The following DNAL1 variants were observed in gnomAD, a reference collection of about 807,000 sequenced individuals.
DNAL1 encodes the protein chromosome 14 open reading frame 168.
In DNAL1, 17 loss-of-function variants were observed where a neutral mutation model predicts 29.4. That is an observed-to-expected ratio of 0.58 (90% CI 0.40 to 0.87). The LOEUF (loss-of-function observed/expected upper bound fraction) is 0.87, where lower values mean the gene tolerates loss of function less well. Among genes scored for constraint, DNAL1 ranks in the 40% least tolerant of loss-of-function variants. The pLI, the probability that DNAL1 is intolerant of heterozygous loss-of-function variation, is 0.00. For missense variants in DNAL1, 188 were observed against 214.1 expected (o/e 0.88, Z 0.76); for synonymous variants, 78 against 76.3 (o/e 1.02, Z -0.12).
chr14:73,645,150 C>T (rs1566877051), intron 1 of DNAL1, 108 bp downstream of exon 1: 1 of 1,537,746 alleles, frequency 6.5e-7, no homozygotes, highest in Non-Finnish European at 8.8e-7. Flanking sequence ...CGGAAGGGAG[C>T]CGGTAGCTGA....
intron 1 of DNAL1, among the ~76,000 whole-genome samples, chr14:73,648,403 C>CATATATATATATAT (rs149075024): frequency 0.3 from 25,605 of 86,496 alleles, 6,025 homozygotes; most frequent in Non-Finnish European, 0.37. Flanking sequence ...CACCTCATTT[C>CATATATATATATAT]ATATATATAT....
At chr14:73,692,060 C>T (rs1249638417) in intron 7 of DNAL1, among the ~76,000 whole-genome samples, 1 of 149,348 alleles carries the variant, frequency 6.7e-6, no homozygotes, top group African/African-American at 2.5e-5. Context: ...TGCAGTGGCA[C>T]CATCTCAACT....
intron 7 of DNAL1, among the ~76,000 whole-genome samples, chr14:73,695,048 CTTTTTTTTTTTTTT>C (rs71112798): frequency 1.6e-5 from 1 of 60,872 alleles, no homozygotes; most frequent in Non-Finnish European, 2.8e-5. Context: ...TACTTGTTGG[CTTTTTTTTTTTTTT>C]TTTTTTTTTT....
In DNAL1 at chr14:73,675,000, T is replaced by C. The variant is rs1049105556; in HGVS notation, c.264+3403T>C. ...CACTCAGCTAATTTTTTTGTATTTT[T>C]AGTAGGGGTCTCGCCATGTTGCCCA... On this transcript the variant is annotated intron_variant, in intron 5 of 7. Transcript: ENST00000553645. Among the ~76,000 whole-genome samples the C allele has an allele frequency of 8.0e-4, 119 of 149,416 alleles. 1 individual carries two copies. The highest frequency in any genetic ancestry group is 2.9e-3 in the African/African-American group (117 of 40,384).
At chr14:73,647,282 G>A (rs1418274635) in intron 1 of DNAL1, among the ~76,000 whole-genome samples, 4 of 149,770 alleles carry the variant, frequency 2.7e-5, no homozygotes, top group African/African-American at 4.9e-5. Flanking sequence ...GGAGAATGGC[G>A]TGAACCCGGG....
chr14:73,659,603 G>A (rs1595205544), intron 3 of DNAL1: 1 of 152,042 alleles, frequency 6.6e-6, no homozygotes, highest in African/African-American at 2.4e-5. Flanking sequence ...TCATCCTTGT[G>A]CAGGGGCCAT....
chr14:73,647,094 C>T (rs1890991956), intron 1 of DNAL1, among the ~76,000 whole-genome samples: 1 of 151,966 alleles, frequency 6.6e-6, no homozygotes, highest in Admixed American at 6.6e-5. Flanking sequence ...CACGGTGGCT[C>T]ACACCTTTAA....
intron 7 of DNAL1, among the ~76,000 whole-genome samples, chr14:73,694,711 A>G (rs1281159018): frequency 1.4e-5 from 2 of 146,910 alleles, no homozygotes; most frequent in Non-Finnish European, 3.0e-5. Context: ...TTTTTTTGAG[A>G]TGGAGTCTTG....
At chr14:73,661,105 A>C (rs1315821891) in intron 3 of DNAL1, among the ~76,000 whole-genome samples, 4 of 151,972 alleles carry the variant, frequency 2.6e-5, no homozygotes, top group African/African-American at 9.7e-5. Context: ...CGGAGGTCGC[A>C]GTGAACTGAG....
intron 3 of DNAL1, among the ~76,000 whole-genome samples, chr14:73,660,428 G>T (rs546067801): frequency 1.3e-5 from 2 of 152,198 alleles, no homozygotes; most frequent in Non-Finnish European, 2.9e-5. Flanking sequence ...GAATCACTGG[G>T]TTTTTTTCTG....
At chr14:73,672,043 C>T (rs1395076736) in intron 5 of DNAL1, among the ~76,000 whole-genome samples, 1 of 152,126 alleles carries the variant, frequency 6.6e-6, no homozygotes, top group Non-Finnish European at 1.5e-5. Flanking sequence ...CTTTTCCCCT[C>T]CCAATAAATC....
intron 7 of DNAL1, among the ~76,000 whole-genome samples, chr14:73,694,287 TAA>T (rs1199565110): frequency 2.1e-5 from 3 of 145,876 alleles, no homozygotes; most frequent in Admixed American, 2.0e-4. Flanking sequence ...AATAAATAAA[TAA>T]AGTCTTCAGA....
chr14:73,667,190 G>T (rs898363288), intron 4 of DNAL1, among the ~76,000 whole-genome samples: 1 of 150,504 alleles, frequency 6.6e-6, no homozygotes, highest in African/African-American at 2.4e-5. Context: ...GGCTGGGGAC[G>T]GTGGCTCACA....
intron 5 of DNAL1, among the ~76,000 whole-genome samples, chr14:73,681,185 G>T (rs1260600790): frequency 6.6e-6 from 1 of 151,288 alleles, no homozygotes; most frequent in Non-Finnish European, 1.5e-5. Flanking sequence ...TGAGGCTGGA[G>T]TGCAGTGGCA....
Position 73,655,799 on chromosome 14 carries a change from T to C in DNAL1, c.42+914T>C, listed in dbSNP as rs143796978. ...CAATCATTGTGGACAATGTAAATCA[T>C]GCATAGACAACTGAAAAAAACCCTG... is the stretch of plus-strand genomic sequence containing the variant. On this transcript the variant is annotated intron_variant, in intron 2 of 7. Transcript: ENST00000553645. Among the ~76,000 whole-genome samples, 317 of 152,200 alleles carry C rather than the reference T, an allele frequency of 2.1e-3. 1 individual carries two copies. The highest frequency in any genetic ancestry group is 7.0e-3 in the African/African-American group (292 of 41,526).
intron 4 of DNAL1, among the ~76,000 whole-genome samples, chr14:73,662,309 T>TG (rs1891374476): frequency 6.6e-6 from 1 of 152,214 alleles, no homozygotes; most frequent in East Asian, 1.9e-4. Flanking sequence ...TAATTGTGTA[T>TG]TTCTTTGTTC....
In DNAL1 at chr14:73,648,403, C is replaced by CATATATAT. The variant is rs149075024; in HGVS notation, c.3+3368_3+3375dup. Among the ~76,000 whole-genome samples, 149 of 86,762 alleles carry CATATATAT rather than the reference C, an allele frequency of 1.7e-3. 22 individuals carry two copies. The highest frequency in any genetic ancestry group is 0.014 in the East Asian group (53 of 3,832). 56.9% of individuals were successfully genotyped at this position (86,762 alleles called of 152,430 possible). A position where few individuals can be genotyped will look rare whatever the true frequency, so the allele number is the denominator to read the frequency against. On this transcript the variant is annotated intron_variant, in intron 1 of 7. Coordinates refer to ENST00000553645, the MANE Select transcript of DNAL1 (RefSeq NM_031427.4). ...CTCGATGTGTTATAACACCTCATTT[C>CATATATAT]ATATATATATATATTTGTTGTTTGT...
chr14:73,663,124 A>G (rs1162912226), intron 4 of DNAL1, among the ~76,000 whole-genome samples: 1 of 152,014 alleles, frequency 6.6e-6, no homozygotes, highest in Non-Finnish European at 1.5e-5. Context: ...GAATATGCAT[A>G]TCAAATATAT....
chr14:73,688,083 TA>T (rs1411150348), intron 6 of DNAL1, among the ~76,000 whole-genome samples: 6 of 152,216 alleles, frequency 3.9e-5, no homozygotes, highest in Non-Finnish European at 5.9e-5. Flanking sequence ...GAAAAAAATT[TA>T]AGCTATTATC....
Sources: allele counts gnomAD v4.1 joint callset (sites outside exome capture counted in the v4.1 genomes callset), GRCh38; gene constraint gnomAD v4.1.1; transcripts MANE v1.5; gene names NCBI Gene and HGNC (gene_info 2026-07-23, HGNC 2026-07-21).